The following MGST2 variants were observed in gnomAD, a reference collection of about 807,000 sequenced individuals.
MGST2 encodes glutathione peroxidase MGST2.
Under a neutral mutation model 16.6 loss-of-function variants are expected in MGST2, and 9 were observed. The observed-to-expected ratio is 0.54, with a 90% CI of 0.33 to 0.95. MGST2 has a LOEUF of 0.95. Among genes scored for constraint, MGST2 ranks in the 40% least tolerant of loss-of-function variants. The pLI, the probability that MGST2 is intolerant of heterozygous loss-of-function variation, is 0.03. For synonymous variants in MGST2, 79 were observed against 68.0 expected (o/e 1.16, Z -0.79); for missense variants, 159 against 175.1 (o/e 0.91, Z 0.52).
chr4:139,751,005 C>G, the MGST2 span, among the ~76,000 whole-genome samples: 1 of 152,230 alleles, frequency 6.6e-6, no homozygotes, highest in Non-Finnish European at 1.5e-5. Context: ...GATTCAATCA[C>G]TCTTTTCCTG....
chr4:139,722,526 T>C (rs1728277207), intron 5 of MGST2, among the ~76,000 whole-genome samples: 1 of 152,342 alleles, frequency 6.6e-6, no homozygotes, highest in Middle Eastern at 3.4e-3. Context: ...TTTTCTTGTC[T>C]GCTGGTTAAC....
chr4:139,670,666 A>G (rs925230022), intron 1 of MGST2, among the ~76,000 whole-genome samples: 13 of 152,170 alleles, frequency 8.5e-5, no homozygotes, highest in Admixed American at 4.6e-4. Flanking sequence ...TTAATCAAGC[A>G]CTTTGGGTGA....
In MGST2 at chr4:139,665,882, G is replaced by C. The variant is rs1730303674; in HGVS notation, c.-138G>C. 1.2e-6 allele frequency: 1 copy of C among 826,154 alleles called. No homozygotes were observed. Among genetic ancestry groups the C allele is most frequent in the Non-Finnish European group, 2.0e-6 (1 of 488,238 alleles). 51.2% of individuals were successfully genotyped at this position (826,154 alleles called of 1,614,324 possible). A position where few individuals can be genotyped will look rare whatever the true frequency, so the allele number is the denominator to read the frequency against. ...TTCCTGACTTCTGTTCCAGAGCAAA[G>C]GTCATTCAGCCGCTTGAATCAGCCT... On this transcript the variant is annotated 5_prime_UTR_variant, in exon 1 of 5. Transcript: ENST00000265498.
chr4:139,749,645 CA>C, the MGST2 span, among the ~76,000 whole-genome samples: 1 of 152,228 alleles, frequency 6.6e-6, no homozygotes, highest in African/African-American at 2.4e-5. Flanking sequence ...TTGTGTTGCA[CA>C]ATTTGCATGA....
intron 1 of MGST2, among the ~76,000 whole-genome samples, chr4:139,675,219 A>G (rs888318558): frequency 1.3e-5 from 2 of 152,186 alleles, no homozygotes; most frequent in South Asian, 2.1e-4. Context: ...GGTGCTTGGA[A>G]TTTCCCTTGA....
At chr4:139,674,012 G>T (rs1730838047) in intron 1 of MGST2, among the ~76,000 whole-genome samples, 1 of 152,238 alleles carries the variant, frequency 6.6e-6, no homozygotes, top group Non-Finnish European at 1.5e-5. Context: ...TTGGTTTGCA[G>T]TTGGTTAAGG....
intron 1 of MGST2, among the ~76,000 whole-genome samples, chr4:139,673,980 C>T (rs2110803625): frequency 6.6e-6 from 1 of 152,282 alleles, no homozygotes; most frequent in African/African-American, 2.4e-5. Context: ...GCTTACAGGC[C>T]ACAGGTGGAT....
At chr4:139,666,170 T>A in intron 1 of MGST2, 93 bp downstream of exon 1, 1 of 1,275,738 alleles carries the variant, frequency 7.8e-7, no homozygotes, top group Non-Finnish European at 1.1e-6. Context: ...GGGAGGGAGA[T>A]GGGTCCGGTG....
intron 1 of MGST2, among the ~76,000 whole-genome samples, chr4:139,668,152 A>G (rs1730471160): frequency 6.6e-6 from 1 of 152,230 alleles, no homozygotes; most frequent in South Asian, 2.1e-4. Flanking sequence ...TTGGCAATTG[A>G]TTAAAAGAGT....
chr4:139,700,353 G>C (rs912877474), intron 3 of MGST2, among the ~76,000 whole-genome samples: 3 of 152,040 alleles, frequency 2.0e-5, no homozygotes, highest in South Asian at 2.1e-4. Flanking sequence ...GGATGGTCTC[G>C]ATCTCCTGAT....
chr4:139,754,318 A>T, the MGST2 span, among the ~76,000 whole-genome samples: 1 of 152,250 alleles, frequency 6.6e-6, no homozygotes, highest in African/African-American at 2.4e-5. Flanking sequence ...TCCACTATGG[A>T]AAATGTGGAC....
intron 5 of MGST2, among the ~76,000 whole-genome samples, chr4:139,713,321 G>A (rs940235920): frequency 7.3e-5 from 11 of 151,622 alleles, no homozygotes; most frequent in Non-Finnish European, 1.6e-4. Flanking sequence ...GGGGTTTCAA[G>A]ATAAAAACAG....
chr4:139,678,606 C>T lies in MGST2; in HGVS notation c.122C>T (p.Thr41Ile). 1 of 1,614,126 alleles carries T rather than the reference C, an allele frequency of 6.2e-7. No individual in the cohort carries two copies. Among genetic ancestry groups the T allele is most frequent in the South Asian group, 1.1e-5 (1 of 91,078 alleles). Reference sequence around the variant, plus strand: ...TACAAAGTTACGCCCCCAGCAGTCACTGGGTCACCAGAGTTTGAGAGAGTA... The same window carrying T: ...TACAAAGTTACGCCCCCAGCAGTCATTGGGTCACCAGAGTTTGAGAGAGTA... ...LKYKVTPPAV[T>I]GSPEFERVFR... The change falls in exon 2 of 5, where the codon ACT becomes ATT. Residue 41 changes from threonine (T) to isoleucine (I), a missense_variant. Coordinates refer to ENST00000265498, the MANE Select transcript of MGST2 (RefSeq NM_002413.5).
intron 5 of MGST2, among the ~76,000 whole-genome samples, chr4:139,721,079 G>A (rs546336405): frequency 5.3e-5 from 8 of 152,288 alleles, no homozygotes; most frequent in African/African-American, 1.7e-4. Context: ...ATCCTGCTAC[G>A]TGCGACTTGG....
At chr4:139,726,062 G>A (rs910665770) in intron 5 of MGST2, among the ~76,000 whole-genome samples, 8 of 152,170 alleles carry the variant, frequency 5.3e-5, no homozygotes, top group Non-Finnish European at 7.3e-5. Flanking sequence ...GAAACAGAAC[G>A]CTGCCAGGAG....
rs1472203101 is a variant in MGST2, at chr4:139,691,675, TG to T, written c.159-3521del. On this transcript the variant is annotated intron_variant, in intron 2 of 4. Transcript: ENST00000265498. ...CACCCCACTGGCAGTCAGATGATGA[TG>T]ATGATGATGATGATGATGATGATTA... Among the ~76,000 whole-genome samples, 169 of 142,606 alleles carry T rather than the reference TG, an allele frequency of 1.2e-3. 1 individual carries two copies. Among genetic ancestry groups the T allele is most frequent in the African/African-American group, 4.2e-3 (150 of 35,984 alleles). 93.6% of individuals were successfully genotyped at this position (142,606 alleles called of 152,430 possible). A position where few individuals can be genotyped will look rare whatever the true frequency, so the allele number is the denominator to read the frequency against.
At chr4:139,722,019 A>T (rs1031758830) in intron 5 of MGST2, among the ~76,000 whole-genome samples, 4 of 152,206 alleles carry the variant, frequency 2.6e-5, no homozygotes, top group African/African-American at 9.6e-5. Flanking sequence ...CCCAAATTAT[A>T]TAAACAGTCT....
chr4:139,702,933 T>C (rs1442233539), intron 3 of MGST2, among the ~76,000 whole-genome samples: 4 of 149,876 alleles, frequency 2.7e-5, no homozygotes, highest in Non-Finnish European at 5.9e-5. Flanking sequence ...TTTATTTATT[T>C]ATTTATTTTT....
downstream of MGST2, among the ~76,000 whole-genome samples, chr4:139,741,053 G>A (rs1334390688): frequency 6.6e-6 from 1 of 152,202 alleles, no homozygotes; most frequent in Non-Finnish European, 1.5e-5. Flanking sequence ...GAGGCTCTGA[G>A]AGGAGGGCTA....
Sources: gnomAD v4.1 joint callset for allele counts (sites outside exome capture counted in the v4.1 genomes callset) on GRCh38, gnomAD v4.1.1 for gene constraint, MANE v1.5 for transcripts, NCBI Gene and HGNC (gene_info 2026-07-23, HGNC 2026-07-21) for gene names.